The following STPG2 variants were observed in gnomAD, a reference collection of about 807,000 sequenced individuals.
The protein encoded by STPG2 is sperm-tail PG-rich repeat-containing protein 2.
STPG2 carries 56 observed loss-of-function variants against 54.2 expected under a neutral mutation model. The ratio of observed to expected loss-of-function variants is 1.03; its 90% CI spans 0.83 to 1.29. The LOEUF (loss-of-function observed/expected upper bound fraction) is 1.29, where lower values mean the gene tolerates loss of function less well. Among genes scored for constraint, STPG2 ranks in the 50% most tolerant of loss-of-function variants. STPG2 has a pLI of 0.00. For synonymous variants in STPG2, 200 were observed against 181.8 expected (o/e 1.10, Z -0.81); for missense variants, 596 against 544.9 (o/e 1.09, Z -0.93).
intron 10 of STPG2, among the ~76,000 whole-genome samples, chr4:97,685,857 A>AT (rs1723172367): frequency 6.6e-6 from 1 of 152,312 alleles, no homozygotes; most frequent in South Asian, 2.1e-4. Flanking sequence ...AATAATGTCC[A>AT]TTTTTGTAAA....
chr4:98,027,229 C>G (rs1370757582), intron 5 of STPG2, among the ~76,000 whole-genome samples: 2 of 152,180 alleles, frequency 1.3e-5, no homozygotes, highest in African/African-American at 4.8e-5. Context: ...ATTGGAAAGT[C>G]TCTTTTACCA....
intron 9 of STPG2, among the ~76,000 whole-genome samples, chr4:97,808,160 C>G (rs913609991): frequency 1.3e-5 from 2 of 151,844 alleles, no homozygotes; most frequent in South Asian, 4.1e-4. Flanking sequence ...GGTAAATGAA[C>G]ACAGGTAGTA....
intron 10 of STPG2, among the ~76,000 whole-genome samples, chr4:97,564,497 G>A (rs1732365927): frequency 6.6e-6 from 1 of 152,254 alleles, no homozygotes; most frequent in Non-Finnish European, 1.5e-5. Flanking sequence ...TGGTTATTTT[G>A]CTCGTTAGTT....
chr4:97,653,254 G>C (rs1722126040), intron 10 of STPG2, among the ~76,000 whole-genome samples: 2 of 151,832 alleles, frequency 1.3e-5, no homozygotes, highest in Admixed American at 6.6e-5. Context: ...CACAGAATGA[G>C]AAAAGAAAGA....
chr4:98,044,259 T>C (rs1158267129), intron 5 of STPG2, among the ~76,000 whole-genome samples: 2 of 152,190 alleles, frequency 1.3e-5, no homozygotes, highest in African/African-American at 4.8e-5. Flanking sequence ...GATCTATGTA[T>C]TTACCTTTAC....
At chr4:97,780,836 G>C (rs558165023) in intron 9 of STPG2, among the ~76,000 whole-genome samples, 1 of 151,864 alleles carries the variant, frequency 6.6e-6, no homozygotes, top group African/African-American at 2.4e-5. Context: ...TGACTACTGG[G>C]TACATAAGGA....
At chr4:97,824,011 T>C (rs1318100419) in intron 9 of STPG2, among the ~76,000 whole-genome samples, 2 of 152,164 alleles carry the variant, frequency 1.3e-5, no homozygotes, top group Non-Finnish European at 2.9e-5. Flanking sequence ...CTATGGGATA[T>C]TAATTGCTAT....
At chr4:97,874,163 T>G (rs954151212) in intron 8 of STPG2, among the ~76,000 whole-genome samples, 4 of 151,684 alleles carry the variant, frequency 2.6e-5, no homozygotes, top group Admixed American at 6.6e-5. Context: ...TTTTAAAGCT[T>G]TGACCAACTG....
chr4:97,676,343 G>A (rs927813127), intron 10 of STPG2, among the ~76,000 whole-genome samples: 1 of 151,750 alleles, frequency 6.6e-6, no homozygotes, highest in African/African-American at 2.4e-5. Flanking sequence ...ATATCATGGT[G>A]TTTTGCAAGT....
chr4:97,887,827 G>A (rs1273901165), intron 8 of STPG2, among the ~76,000 whole-genome samples: 1 of 152,192 alleles, frequency 6.6e-6, no homozygotes, highest in Non-Finnish European at 1.5e-5. Context: ...AGGACCAGAA[G>A]CCTAGGAGAA....
chr4:97,920,060 G>C (rs2149208372), intron 8 of STPG2, among the ~76,000 whole-genome samples: 1 of 152,262 alleles, frequency 6.6e-6, no homozygotes, highest in East Asian at 1.9e-4. Flanking sequence ...TCAGTTAAAA[G>C]TAGCTGGCCT....
chr4:97,983,175 A>T (rs1734731837), intron 5 of STPG2, among the ~76,000 whole-genome samples: 1 of 152,210 alleles, frequency 6.6e-6, no homozygotes, highest in Non-Finnish European at 1.5e-5. Context: ...ATGTAATGAC[A>T]AGAGCTTTAT....
chr4:97,506,308 T>A (rs1397064236), intron 4 of STPG2, among the ~76,000 whole-genome samples: 2 of 151,854 alleles, frequency 1.3e-5, no homozygotes, highest in Non-Finnish European at 1.5e-5. Flanking sequence ...AGAAATAGGA[T>A]CAACAGTACA....
chr4:97,461,586 C>G (rs1378160693), intron 4 of STPG2, among the ~76,000 whole-genome samples: 1 of 152,172 alleles, frequency 6.6e-6, no homozygotes, highest in Non-Finnish European at 1.5e-5. Flanking sequence ...TCTCAGATTT[C>G]TAGCAAACTG....
intron 5 of STPG2, among the ~76,000 whole-genome samples, chr4:98,063,956 A>T (rs7442077): frequency 2.0e-5 from 3 of 152,072 alleles, no homozygotes; most frequent in African/African-American, 7.2e-5. Context: ...CAAAAAAAAG[A>T]CAAGTAGAAG....
At chr4:97,913,893 T>C (rs946058441) in intron 8 of STPG2, among the ~76,000 whole-genome samples, 2 of 151,888 alleles carry the variant, frequency 1.3e-5, no homozygotes, top group African/African-American at 2.4e-5. Context: ...TTTACAATAA[T>C]ATAATTTTTA....
intron 9 of STPG2, among the ~76,000 whole-genome samples, chr4:97,736,712 C>G (rs993046811): frequency 2.6e-5 from 4 of 152,188 alleles, no homozygotes; most frequent in South Asian, 2.1e-4. Flanking sequence ...CCGGGAAGCT[C>G]GAACTGGGTG....
Position 97,652,464 on chromosome 4 carries a change from C to CA in STPG2, c.1320+60234dup, listed in dbSNP as rs199729676. Reference sequence around the variant, plus strand: ...AGAAACTTGCTAGTATATGTTCTTACAAAAAAAAGTACTACAATTTGATAC... The same window carrying CA: ...AGAAACTTGCTAGTATATGTTCTTACAAAAAAAAAGTACTACAATTTGATAC... On this transcript the variant is annotated intron_variant, in intron 10 of 10. Coordinates refer to ENST00000295268, the MANE Select transcript of STPG2 (RefSeq NM_174952.3). Among the ~76,000 whole-genome samples, 38 of 151,116 alleles carry CA rather than the reference C, an allele frequency of 2.5e-4. 1 individual carries two copies. Among genetic ancestry groups the CA allele is most frequent in the Non-Finnish European group, 4.7e-4 (32 of 67,542 alleles).
intron 4 of STPG2, chr4:97,463,396 A>C (rs887873529): frequency 1.3e-5 from 2 of 152,114 alleles, no homozygotes; most frequent in African/African-American, 4.8e-5. Context: ...AGGATATTAG[A>C]GAGTTTCTGT....
Sources: gnomAD v4.1 joint callset for allele counts (sites outside exome capture counted in the v4.1 genomes callset) on GRCh38, gnomAD v4.1.1 for gene constraint, MANE v1.5 for transcripts, NCBI Gene and HGNC (gene_info 2026-07-23, HGNC 2026-07-21) for gene names.